VEPH1: variants seen among roughly 807,000 people sequenced by gnomAD.
VEPH1 encodes ventricular zone expressed PH domain containing 1.
In VEPH1, 80 loss-of-function variants were observed where a neutral mutation model predicts 85.2. The ratio of observed to expected loss-of-function variants is 0.94; its 90% confidence interval spans 0.78 to 1.13. The LOEUF (loss-of-function observed/expected upper bound fraction) is 1.13, where lower values mean the gene tolerates loss of function less well. VEPH1 is among the 50% of genes most tolerant of loss of function. The pLI, the probability that VEPH1 is intolerant of heterozygous loss-of-function variation, is 0.00. For synonymous variants in VEPH1, 297 were observed against 348.0 expected (o/e 0.85, Z 1.63); for missense variants, 955 against 980.5 (o/e 0.97, Z 0.35).
chr3:157,286,384 C>T, intron 12 of VEPH1, 173 bp downstream of exon 12: 1 of 639,558 alleles, frequency 1.6e-6, no homozygotes, highest in Non-Finnish European at 2.8e-6. Context: ...TCCCTTTTTC[C>T]TACGACCACT....
intron 6 of VEPH1, among the ~76,000 whole-genome samples, chr3:157,387,546 A>C (rs1729429548): frequency 6.6e-6 from 1 of 152,188 alleles, no homozygotes; most frequent in African/African-American, 2.4e-5. Flanking sequence ...CCACATCACT[A>C]GGGCTGATAA....
At chr3:157,411,291 T>C (rs1418035146) in intron 6 of VEPH1, among the ~76,000 whole-genome samples, 1 of 152,182 alleles carries the variant, frequency 6.6e-6, no homozygotes, top group Non-Finnish European at 1.5e-5. Flanking sequence ...TCTGTCTTTG[T>C]TTAAGTTATT....
At position 157,364,290 on chromosome 3, in the gene VEPH1, AAAC is replaced by A. The variant is rs773948982; in HGVS notation, c.1337+10_1337+12del. The A allele has an allele frequency of 4.0e-6, 6 of 1,508,030 alleles. No individual in the cohort carries two copies. The highest frequency in any genetic ancestry group is 1.2e-5 in the South Asian group (1 of 85,772). 93.4% of individuals were successfully genotyped at this position (1,508,030 alleles called of 1,614,324 possible). A position where few individuals can be genotyped will look rare whatever the true frequency, so the allele number is the denominator to read the frequency against. On this transcript the variant is annotated intron_variant, in intron 8 of 13. Coordinates refer to ENST00000362010, the MANE Select transcript of VEPH1 (RefSeq NM_001167912.2). ...AAGTGTATGATTTAAAAAACAAACCAAACGAGTTATACCTGTTAAATCTAATGT... is the reference window on the plus strand; with the variant it reads ...AAGTGTATGATTTAAAAAACAAACCAGAGTTATACCTGTTAAATCTAATGT...
intron 9 of VEPH1, among the ~76,000 whole-genome samples, chr3:157,355,970 G>A (rs1725381461): frequency 6.7e-6 from 1 of 149,218 alleles, no homozygotes; most frequent in Non-Finnish European, 1.5e-5. Flanking sequence ...TGCAGTCACC[G>A]CTCACTGCAG....
At position 157,286,669 on chromosome 3, in the gene VEPH1, C is replaced by T; in HGVS notation, c.2016G>A (p.Leu672=). The T allele has an allele frequency of 6.2e-7, 1 of 1,613,818 alleles. No individual in the cohort carries two copies. The highest frequency in any genetic ancestry group is 2.2e-5 in the East Asian group (1 of 44,884). The change falls in exon 12 of 14, where the codon CTG becomes CTA. Residue 672 remains leucine, a synonymous_variant. Transcript: ENST00000362010. Reference sequence around the variant, plus strand: ...CTTCCAGATGGAGCTGTACCTGGTCCAGATCCTGTGTCAGGAACACAAAGC... The same window carrying T: ...CTTCCAGATGGAGCTGTACCTGGTCTAGATCCTGTGTCAGGAACACAAAGC... ...MESTFPQQKD[L]DQVQLHLEEV... is the part of the protein sequence containing the mutation.
intron 9 of VEPH1, among the ~76,000 whole-genome samples, chr3:157,338,846 C>A (rs143634376): frequency 2.6e-5 from 4 of 152,306 alleles, no homozygotes; most frequent in African/African-American, 9.6e-5. Flanking sequence ...AGGTGCTGGG[C>A]AGACTTGTCC....
At chr3:157,272,227 T>G (rs555025989) in intron 12 of VEPH1, among the ~76,000 whole-genome samples, 1 of 143,544 alleles carries the variant, frequency 7.0e-6, no homozygotes, top group Admixed American at 6.8e-5. Flanking sequence ...TCCTGGGTGT[T>G]TGTCTCTTTT....
chr3:157,408,841 A>G (rs1731327989), intron 6 of VEPH1, among the ~76,000 whole-genome samples: 1 of 152,062 alleles, frequency 6.6e-6, no homozygotes, highest in Non-Finnish European at 1.5e-5. Flanking sequence ...AGGGTGTAAA[A>G]TCCTGAGTAG....
intron 9 of VEPH1, 112 bp downstream of exon 9, chr3:157,363,252 C>A: frequency 3.0e-6 from 3 of 995,034 alleles, no homozygotes; most frequent in Non-Finnish European, 4.2e-6. Context: ...AAAAAATGAT[C>A]TATTTTGCAA....
intron 2 of VEPH1, among the ~76,000 whole-genome samples, chr3:157,472,277 A>G (rs866667690): frequency 1.3e-5 from 2 of 152,224 alleles, no homozygotes; most frequent in African/African-American, 2.4e-5. Flanking sequence ...TTAGAAATTC[A>G]TCTTTTAACC....
At chr3:157,351,855 A>C (rs1724902556) in intron 9 of VEPH1, among the ~76,000 whole-genome samples, 1 of 152,172 alleles carries the variant, frequency 6.6e-6, no homozygotes. Context: ...TGACCTGCGC[A>C]TTGTAGTATA....
chr3:157,361,242 A>G (rs566360587), intron 9 of VEPH1, among the ~76,000 whole-genome samples: 3 of 152,372 alleles, frequency 2.0e-5, no homozygotes, highest in Admixed American at 1.3e-4. Flanking sequence ...TGTCACCATT[A>G]AAATGGCTTT....
chr3:157,312,379 C>G (rs959261444), intron 11 of VEPH1, among the ~76,000 whole-genome samples: 2 of 152,204 alleles, frequency 1.3e-5, no homozygotes, highest in African/African-American at 4.8e-5. Flanking sequence ...TTCCCTTGAG[C>G]AATCCAGTCT....
Position 157,338,734 on chromosome 3 carries a change from A to G in VEPH1, c.1736-21533T>C, listed in dbSNP as rs138086573. Reference sequence around the variant, plus strand: ...CCTAATAAGGGCTGTCACCCTAACTATAAGTAAAAAGTCACATGCAATATT... The same window carrying G: ...CCTAATAAGGGCTGTCACCCTAACTGTAAGTAAAAAGTCACATGCAATATT... On this transcript the variant is annotated intron_variant, in intron 9 of 13. Coordinates refer to ENST00000362010, the MANE Select transcript of VEPH1 (RefSeq NM_001167912.2). Among the ~76,000 whole-genome samples the G allele has an allele frequency of 6.6e-5, 10 of 152,314 alleles. No individual in the cohort carries two copies. The East Asian group carries it at 1.5e-3, about 24-fold the overall frequency.
chr3:157,436,900 C>T (rs993006667), intron 4 of VEPH1: 2 of 1,606,722 alleles, frequency 1.2e-6, no homozygotes, highest in African/African-American at 1.3e-5. Flanking sequence ...TCTCCTCCCG[C>T]CAGCTGTGGA....
At chr3:157,359,912 C>G (rs1266242929) in intron 9 of VEPH1, among the ~76,000 whole-genome samples, 1 of 152,126 alleles carries the variant, frequency 6.6e-6, no homozygotes, top group Non-Finnish European at 1.5e-5. Context: ...TTTTTCTTAA[C>G]ACTTTGTTGT....
chr3:157,451,662 A>G (rs1397930949), intron 4 of VEPH1, among the ~76,000 whole-genome samples: 1 of 152,242 alleles, frequency 6.6e-6, no homozygotes, highest in African/African-American at 2.4e-5. Flanking sequence ...ATGGATGCAT[A>G]TAATACAATT....
intron 9 of VEPH1, among the ~76,000 whole-genome samples, chr3:157,362,522 C>A (rs1352795832): frequency 1.3e-5 from 2 of 152,056 alleles, no homozygotes; most frequent in Non-Finnish European, 2.9e-5. Flanking sequence ...TATGGATGGT[C>A]CTGACATAAG....
intron 4 of VEPH1, chr3:157,436,875 C>T (rs1175052789): frequency 1.3e-6 from 2 of 1,580,170 alleles, no homozygotes; most frequent in Non-Finnish European, 1.7e-6. Context: ...CGCTCAAACT[C>T]AGCTCACTTG....
Sources: gnomAD v4.1 joint callset for allele counts (sites outside exome capture counted in the v4.1 genomes callset) on GRCh38, gnomAD v4.1.1 for gene constraint, MANE v1.5 for transcripts, NCBI Gene and HGNC (gene_info 2026-07-23, HGNC 2026-07-21) for gene names.